The following RABEPK variants were observed in gnomAD, a reference collection of about 807,000 sequenced individuals.
The protein encoded by RABEPK is Rab9 effector protein with kelch motifs, also known as 40 kDa Rab9 effector protein.
Under a neutral mutation model 34.1 loss-of-function variants are expected in RABEPK, and 27 were observed. The observed-to-expected ratio is 0.79, with a 90% CI of 0.58 to 1.09. RABEPK has a LOEUF of 1.09. RABEPK is among the 50% of genes least tolerant of loss of function. RABEPK has a pLI of 0.00. For missense variants in RABEPK, 449 were observed against 462.6 expected (o/e 0.97, Z 0.27); for synonymous variants, 172 against 169.2 (o/e 1.02, Z -0.13).
At chr9:125,222,814 C>T (rs1035503974) in intron 5 of RABEPK, among the ~76,000 whole-genome samples, 36 of 150,932 alleles carry the variant, frequency 2.4e-4, no homozygotes, top group African/African-American at 8.5e-4. Context: ...ATCAGAAAGT[C>T]TTCACCAGCA....
chr9:125,202,723 G>A (rs1281826669), intron 1 of RABEPK, among the ~76,000 whole-genome samples: 1 of 151,800 alleles, frequency 6.6e-6, no homozygotes, highest in Non-Finnish European at 1.5e-5. Flanking sequence ...CAAGCTACTC[G>A]GGAGGCTGAG....
At chr9:125,217,137 CCT>C (rs1830984175) in intron 4 of RABEPK, among the ~76,000 whole-genome samples, 1 of 152,062 alleles carries the variant, frequency 6.6e-6, no homozygotes, top group African/African-American at 2.4e-5. Flanking sequence ...AGTGATTTAA[CCT>C]CTCTCTGCCT....
intron 7 of RABEPK, 107 bp from the exon 8 acceptor site, chr9:125,233,581 A>ATCCG: frequency 8.6e-7 from 1 of 1,167,876 alleles, no homozygotes; most frequent in Non-Finnish European, 1.2e-6. Context: ...TGACCTCGTG[A>ATCCG]TCCACCCGCT....
At chr9:125,201,515 C>T (rs1292157546) in intron 1 of RABEPK, among the ~76,000 whole-genome samples, 12 of 152,204 alleles carry the variant, frequency 7.9e-5, no homozygotes, top group Admixed American at 7.9e-4. Context: ...CAGTGGCTCA[C>T]ACCTGTAATC....
chr9:125,219,795 C>T (rs145130720), intron 4 of RABEPK, among the ~76,000 whole-genome samples: 73 of 152,182 alleles, frequency 4.8e-4, no homozygotes, highest in African/African-American at 1.7e-3. Context: ...ATTTCCCAAA[C>T]TGCTGAGGTT....
intron 5 of RABEPK, among the ~76,000 whole-genome samples, chr9:125,226,709 G>T (rs1831777911): frequency 6.6e-6 from 1 of 151,346 alleles, no homozygotes; most frequent in South Asian, 2.1e-4. Context: ...ATTAAAAATA[G>T]AAAAATTAGC....
intron 6 of RABEPK, among the ~76,000 whole-genome samples, chr9:125,228,562 G>T (rs1831936494): frequency 6.6e-6 from 1 of 151,696 alleles, no homozygotes; most frequent in South Asian, 2.1e-4. Flanking sequence ...TGGTGCCTGA[G>T]TCAGGAGAAT....
chr9:125,228,659 C>CAA (rs544061891), intron 6 of RABEPK, among the ~76,000 whole-genome samples: 1 of 118,500 alleles, frequency 8.4e-6, no homozygotes, highest in Non-Finnish European at 1.8e-5. Context: ...ACTCCATCTC[C>CAA]AAAAAAAAGA....
In RABEPK at chr9:125,226,343, A is replaced by G. The variant is rs550106620; in HGVS notation, c.527-1567A>G. 2.9e-3 allele frequency among the ~76,000 whole-genome samples: 434 copies of G among 151,956 alleles called. 4 individuals are homozygous for G. The highest frequency in any genetic ancestry group is 9.7e-3 in the African/African-American group (400 of 41,436). ...CGACCCCCTGCAAAAAAAAAAAAAAAGTTGAGTGCCACTGACATAGACAAG... is the reference window on the plus strand; with the variant it reads ...CGACCCCCTGCAAAAAAAAAAAAAAGGTTGAGTGCCACTGACATAGACAAG... On this transcript the variant is annotated intron_variant, in intron 5 of 7. Transcript: ENST00000373538.
At chr9:125,232,873 C>T (rs1364414947) in intron 7 of RABEPK, 128 bp downstream of exon 7, 10 of 900,776 alleles carry the variant, frequency 1.1e-5, no homozygotes, top group Non-Finnish European at 1.6e-5. Context: ...GTCAGGAGAT[C>T]GAGACCATCC....
chr9:125,211,106 G>A (rs1184338580), intron 3 of RABEPK, among the ~76,000 whole-genome samples: 13 of 150,944 alleles, frequency 8.6e-5, no homozygotes, highest in African/African-American at 1.9e-4. Flanking sequence ...GCGTGGTGGC[G>A]GGCGCCTGTA....
In RABEPK at chr9:125,203,060, C is replaced by T. The variant is rs1830006877; in HGVS notation, c.47C>T (p.Ala16Val). ...VLEPGDKPRK[A>V]TWYTLTVPGD... ...GAACCTGGAGACAAGCCCAGGAAAG[C>T]AACATGGTCTGTAAGGAAGGATCCA... Residue 16 changes from alanine to valine, a missense_variant, in exon 2 of 8, where the codon GCA (alanine) becomes GTA (valine). By Grantham distance (64) the Ala-to-Val change is moderately conservative (BLOSUM62 0). Coordinates refer to ENST00000373538, the MANE Select transcript of RABEPK (RefSeq NM_005833.4). The T allele has an allele frequency of 1.9e-6, 3 of 1,612,982 alleles. No individual in the cohort carries two copies. The highest frequency in any genetic ancestry group is 1.1e-5 in the South Asian group (1 of 91,062).
chr9:125,203,158 G>A (rs1588320247), intron 2 of RABEPK, 92 bp downstream of exon 2: 2 of 1,115,314 alleles, frequency 1.8e-6, no homozygotes, highest in Non-Finnish European at 2.7e-6. Context: ...AACAAAAAGG[G>A]GTAGAGATGA....
Position 125,234,015 on chromosome 9 carries a change from T to A in RABEPK, c.*35T>A. ...CATTTTTATTACCTGTCAGTTACTT[T>A]CAGAATAGTTAAGTAAAACATTAGC... is the stretch of plus-strand genomic sequence containing the variant. On this transcript the variant is annotated 3_prime_UTR_variant, in exon 8 of 8. Transcript: ENST00000373538. 1 of 1,517,410 alleles carries A rather than the reference T, an allele frequency of 6.6e-7. No individual in the cohort carries two copies. Among genetic ancestry groups the A allele is most frequent in the Admixed American group, 1.8e-5 (1 of 55,254 alleles). The allele number at this position is 1,517,410 out of a possible 1,614,324, so 94.0% of individuals were successfully genotyped here.
intron 6 of RABEPK, among the ~76,000 whole-genome samples, chr9:125,229,247 C>T (rs181498565): frequency 6.6e-6 from 1 of 151,096 alleles, no homozygotes; most frequent in Non-Finnish European, 1.5e-5. Flanking sequence ...CAGCAAGACT[C>T]CGTCTCCAAA....
At chr9:125,212,168 T>G (rs1483464390) in intron 3 of RABEPK, among the ~76,000 whole-genome samples, 1 of 152,164 alleles carries the variant, frequency 6.6e-6, no homozygotes, top group Non-Finnish European at 1.5e-5. Context: ...CCTGTAAAGG[T>G]CTTGTGTAAT....
chr9:125,221,405 G>A (rs1426684970), intron 5 of RABEPK: 6 of 151,770 alleles, frequency 4.0e-5, no homozygotes, highest in African/African-American at 1.2e-4. Context: ...GCTGAGGCAG[G>A]AGAATCACTT....
chr9:125,227,972 G>A lies in RABEPK; in HGVS notation c.589G>A (p.Val197Met), dbSNP rs748300412. 6.2e-7 allele frequency: 1 copy of A among 1,609,564 alleles called. No individual in the cohort carries two copies. The highest frequency in any genetic ancestry group is 8.5e-7 in the Non-Finnish European group (1 of 1,177,538). ...TCCTCCATCTCCCCGGCATGGTCAT[G>A]TGATGGTGGCAGCAGGGACAAAGCT... ...GNPPSPRHGH[V>M]MVAAGTKLFI... Residue 197 changes from valine (V) to methionine (M), a missense_variant, in exon 6 of 8, where the codon GTG becomes ATG. By Grantham distance (21) the Val-to-Met change is conservative. Transcript: ENST00000373538.
intron 2 of RABEPK, among the ~76,000 whole-genome samples, chr9:125,205,987 G>A (rs531434682): frequency 1.3e-5 from 2 of 152,246 alleles, no homozygotes; most frequent in East Asian, 3.9e-4. Context: ...GGTAGGAAAG[G>A]AGTCGGAGAA....
Sources: allele counts gnomAD v4.1 joint callset (sites outside exome capture counted in the v4.1 genomes callset), GRCh38; gene constraint gnomAD v4.1.1; transcripts MANE v1.5; gene names NCBI Gene and HGNC (gene_info 2026-07-23, HGNC 2026-07-21).